Variants in GOLM2 observed in about 807,000 individuals in gnomAD.
GOLM2 encodes golgi membrane protein 2.
Under a neutral mutation model 55.9 loss-of-function variants are expected in GOLM2, and 26 were observed. That is an observed-to-expected ratio of 0.47 (90% CI 0.34 to 0.65). The LOEUF is 0.65. Ranked by LOEUF, GOLM2 falls within the 30% of genes least tolerant of loss-of-function variation. GOLM2 has a pLI of 0.01. For synonymous variants in GOLM2, 165 were observed against 194.6 expected (o/e 0.85, Z 1.27); for missense variants, 486 against 531.8 (o/e 0.91, Z 0.85).
intron 1 of GOLM2, among the ~76,000 whole-genome samples, chr15:44,299,926 C>CAAAAAAA (rs1009141482): frequency 8.7e-5 from 1 of 11,536 alleles, no homozygotes; most frequent in Non-Finnish European, 2.5e-4. Context: ...GGCAACATAG[C>CAAAAAAA]AAAAAAAAAA....
chr15:44,405,724 G>A (rs1178231413), intron 9 of GOLM2, among the ~76,000 whole-genome samples: 1 of 151,930 alleles, frequency 6.6e-6, no homozygotes, highest in Non-Finnish European at 1.5e-5. Flanking sequence ...AGGTTCAAGC[G>A]ATTCTCCTGC....
At chr15:44,381,327 G>T (rs78630711) in intron 8 of GOLM2, among the ~76,000 whole-genome samples, 4,024 of 152,182 alleles carry the variant, frequency 0.026, 95 homozygotes, top group East Asian at 0.1. Flanking sequence ...AGGGAGGAGA[G>T]AAAATAAATA....
At chr15:44,378,783 T>C (rs2079382001) in intron 6 of GOLM2, among the ~76,000 whole-genome samples, 1 of 151,964 alleles carries the variant, frequency 6.6e-6, no homozygotes, top group African/African-American at 2.4e-5. Flanking sequence ...GAAGTCTCTG[T>C]CACCCAGGTT....
chr15:44,410,492 T>C (rs1035878797), intron 9 of GOLM2, among the ~76,000 whole-genome samples: 6 of 152,068 alleles, frequency 3.9e-5, no homozygotes, highest in Admixed American at 1.3e-4. Context: ...AGCATGTATA[T>C]AAAGTAAAAG....
At chr15:44,379,274 C>T (rs898635566) in intron 6 of GOLM2, among the ~76,000 whole-genome samples, 3 of 152,128 alleles carry the variant, frequency 2.0e-5, no homozygotes, top group South Asian at 2.1e-4. Context: ...ATCCAGGGTT[C>T]GAGACCAGCC....
intron 6 of GOLM2, among the ~76,000 whole-genome samples, chr15:44,361,196 C>T (rs1241510515): frequency 2.0e-5 from 3 of 151,704 alleles, no homozygotes; most frequent in African/African-American, 4.8e-5. Flanking sequence ...CAAGAAATAA[C>T]TAAAATCAGA....
At chr15:44,299,926 C>CAAAAAAAAA (rs1009141482) in intron 1 of GOLM2, among the ~76,000 whole-genome samples, 1 of 11,536 alleles carries the variant, frequency 8.7e-5, no homozygotes, top group African/African-American at 1.9e-4. Flanking sequence ...GGCAACATAG[C>CAAAAAAAAA]AAAAAAAAAA....
intron 2 of GOLM2, 99 bp downstream of exon 2, chr15:44,323,118 T>C: frequency 1.3e-6 from 1 of 752,130 alleles, no homozygotes; most frequent in Admixed American, 2.9e-5. Flanking sequence ...TGAAATACAA[T>C]TTTCTGAACA....
chr15:44,362,169 A>T (rs2079245265), intron 6 of GOLM2, among the ~76,000 whole-genome samples: 1 of 149,820 alleles, frequency 6.7e-6, no homozygotes, highest in African/African-American at 2.4e-5. Context: ...CTCCTATTCA[A>T]CATAGTGTTG....
chr15:44,313,281 C>G, intron 1 of GOLM2, among the ~76,000 whole-genome samples: 1 of 152,174 alleles, frequency 6.6e-6, no homozygotes, highest in East Asian at 1.9e-4. Context: ...TCTTACTTCC[C>G]CTTTCCAGGA....
intron 6 of GOLM2, among the ~76,000 whole-genome samples, chr15:44,369,248 A>G (rs1294064166): frequency 2.1e-5 from 3 of 144,536 alleles, no homozygotes; most frequent in African/African-American, 7.7e-5. Flanking sequence ...GTATGTGTGT[A>G]TATATATGTA....
At chr15:44,356,611 G>A (rs1395554053) in intron 6 of GOLM2, among the ~76,000 whole-genome samples, 1 of 152,152 alleles carries the variant, frequency 6.6e-6, no homozygotes, top group African/African-American at 2.4e-5. Flanking sequence ...GTACAGATGG[G>A]TTTGCCGGTG....
chr15:44,333,844 T>C (rs1036913964), intron 4 of GOLM2, among the ~76,000 whole-genome samples: 2 of 152,004 alleles, frequency 1.3e-5, no homozygotes, highest in Admixed American at 1.3e-4. Context: ...GCCTTCCGAG[T>C]AGCTGGGACT....
chr15:44,340,138 T>C (rs1369834353), intron 6 of GOLM2, among the ~76,000 whole-genome samples: 3 of 152,126 alleles, frequency 2.0e-5, no homozygotes, highest in Non-Finnish European at 4.4e-5. Flanking sequence ...CTTTATTTTT[T>C]TGTAGAGACA....
intron 1 of GOLM2, among the ~76,000 whole-genome samples, chr15:44,299,950 AAAAG>A: frequency 6.7e-6 from 1 of 149,390 alleles, no homozygotes. Context: ...AAAAAAAAAA[AAAAG>A]CTGGGCATGG....
At chr15:44,356,761 A>G (rs2079200833) in intron 6 of GOLM2, among the ~76,000 whole-genome samples, 1 of 152,240 alleles carries the variant, frequency 6.6e-6, no homozygotes, top group South Asian at 2.1e-4. Context: ...AGACACTACT[A>G]CAGACCAATG....
At position 44,380,962 on chromosome 15, in the gene GOLM2, A is replaced by G. The variant is rs2079397720; in HGVS notation, c.1058A>G (p.His353Arg). 1 of 1,563,720 alleles carries G rather than the reference A, an allele frequency of 6.4e-7. No homozygotes were observed. ...ACCAAGGACAGAGTCAGTGATTTCC[A>G]TAAATTGAAGCAAAGTAAGAATCAA... Reference protein sequence around the residue: ...QATKDRVSDFHKLKQSRFFDE... With the variant: ...QATKDRVSDFRKLKQSRFFDE... Residue 353 changes from histidine to arginine, a missense_variant, in exon 8 of 10, where the codon CAT (histidine) becomes CGT (arginine). Coordinates refer to ENST00000299957, the MANE Select transcript of GOLM2 (RefSeq NM_138423.4).
chr15:44,388,361 A>T (rs1311946282), intron 8 of GOLM2, among the ~76,000 whole-genome samples: 2 of 151,772 alleles, frequency 1.3e-5, no homozygotes, highest in African/African-American at 4.8e-5. Flanking sequence ...TATAAGAAAA[A>T]TTTATTTTAT....
chr15:44,315,657 CAAAG>C (rs2078904561), intron 1 of GOLM2, among the ~76,000 whole-genome samples: 1 of 152,148 alleles, frequency 6.6e-6, no homozygotes, highest in Non-Finnish European at 1.5e-5. Context: ...AGAGCATAAA[CAAAG>C]AACATAAAAC....
Sources: gnomAD v4.1 joint callset for allele counts (sites outside exome capture counted in the v4.1 genomes callset) on GRCh38, gnomAD v4.1.1 for gene constraint, MANE v1.5 for transcripts, NCBI Gene and HGNC (gene_info 2026-07-23, HGNC 2026-07-21) for gene names.